Variants in PLA2G4E observed in about 807,000 individuals in gnomAD.
The protein encoded by PLA2G4E is phospholipase A2 group IVE.
A neutral mutation model predicts 109.1 loss-of-function variants in PLA2G4E; 84 were observed. The observed-to-expected ratio is 0.77, with a 90% CI of 0.65 to 0.92. PLA2G4E has a LOEUF of 0.92. Among genes scored for constraint, PLA2G4E ranks in the 40% least tolerant of loss-of-function variants. PLA2G4E has a pLI of 0.00. For synonymous variants in PLA2G4E, 469 were observed against 436.1 expected (o/e 1.08, Z -0.94); for missense variants, 1,057 against 1,076.6 (o/e 0.98, Z 0.25).
intron 6 of PLA2G4E, 104 bp from the exon 7 acceptor site, chr15:42,001,324 G>T (rs1255442806): frequency 1.9e-5 from 21 of 1,089,436 alleles, no homozygotes; most frequent in Non-Finnish European, 2.9e-5. Flanking sequence ...TTCAGCATTG[G>T]TCTGACTGGG....
At chr15:41,995,526 G>T in intron 11 of PLA2G4E, 30 bp from the exon 12 acceptor site, 3 of 1,607,018 alleles carry the variant, frequency 1.9e-6, no homozygotes, top group Non-Finnish European at 2.6e-6. Flanking sequence ...GGCGGTTGGG[G>T]AAGGCTCCAG....
intron 2 of PLA2G4E, 129 bp downstream of exon 2, chr15:42,013,556 A>T: frequency 1.2e-6 from 1 of 822,050 alleles, no homozygotes; most frequent in Non-Finnish European, 2.0e-6. Flanking sequence ...ACATACACGT[A>T]TACACCATGC....
Position 42,004,940 on chromosome 15 carries a change from C to G in PLA2G4E, c.564G>C (p.Glu188Asp), listed in dbSNP as rs748388800. The change falls in exon 5 of 20, where the codon GAG (glutamate) becomes GAC (aspartate). Residue 188 changes from glutamate to aspartate, a missense_variant and splice_region_variant. Coordinates refer to ENST00000399518, the Ensembl canonical transcript of PLA2G4E. The stretch of plus-strand genomic sequence containing the variant: ...CCCCGGGGCCTGGGCCTACTCACCT[C>G]TCCTCCAGCAGGAACTCCACCTCCA... The G allele has an allele frequency of 6.2e-7, 1 of 1,613,332 alleles. No homozygotes were observed. Among genetic ancestry groups the G allele is most frequent in the Non-Finnish European group, 8.5e-7 (1 of 1,179,754 alleles).
chr15:42,005,404 C>T (rs2068465159), intron 4 of PLA2G4E, among the ~76,000 whole-genome samples: 1 of 152,250 alleles, frequency 6.6e-6, no homozygotes, highest in Non-Finnish European at 1.5e-5. Flanking sequence ...CAAGCCAGGG[C>T]CTCACTGGGC....
At chr15:42,030,800 A>G (rs773102892) in intron 1 of PLA2G4E, among the ~76,000 whole-genome samples, 1 of 152,186 alleles carries the variant, frequency 6.6e-6, no homozygotes, top group South Asian at 2.1e-4. Flanking sequence ...GGAATCATGC[A>G]GTGTTTGCTC....
chr15:42,009,289 T>A (rs529940408), intron 2 of PLA2G4E, among the ~76,000 whole-genome samples: 1 of 152,330 alleles, frequency 6.6e-6, no homozygotes, highest in South Asian at 2.1e-4. Flanking sequence ...ATCAGTGTCA[T>A]CCTTGACTCT....
intron 1 of PLA2G4E, among the ~76,000 whole-genome samples, chr15:42,047,487 G>T (rs1185724278): frequency 2.0e-5 from 3 of 152,200 alleles, no homozygotes; most frequent in Non-Finnish European, 1.5e-5. Context: ...CATGAGGGCA[G>T]CAGCCTCATG....
chr15:41,999,790 A>C (rs2068394295), intron 9 of PLA2G4E, 127 bp downstream of exon 9: 2 of 1,189,728 alleles, frequency 1.7e-6, no homozygotes, highest in Non-Finnish European at 2.4e-6. Context: ...AGACTCCTCC[A>C]TCCTGCCTGA....
chr15:41,986,316 G>C (rs1566833898), intron 17 of PLA2G4E, among the ~76,000 whole-genome samples: 1 of 152,200 alleles, frequency 6.6e-6, no homozygotes, highest in African/African-American at 2.4e-5. Context: ...AGGCTTAACA[G>C]GCCAGGCTGA....
intron 1 of PLA2G4E, among the ~76,000 whole-genome samples, chr15:42,014,578 G>T (rs1373656429): frequency 6.6e-6 from 1 of 152,154 alleles, no homozygotes; most frequent in Admixed American, 6.5e-5. Flanking sequence ...CACTGATCAC[G>T]CACGGTGACA....
intron 2 of PLA2G4E, 77 bp from the exon 3 acceptor site, chr15:42,007,942 C>A: frequency 1.4e-6 from 2 of 1,479,610 alleles, no homozygotes; most frequent in Non-Finnish European, 1.8e-6. Context: ...TCAGGCAAGC[C>A]TCTTCCAGAG....
chr15:42,039,449 A>G (rs190839707), intron 1 of PLA2G4E, among the ~76,000 whole-genome samples: 17 of 152,316 alleles, frequency 1.1e-4, no homozygotes, highest in African/African-American at 4.1e-4. Flanking sequence ...TGATACTGGT[A>G]TACTGATTAG....
At chr15:41,992,268 G>A (rs926874710) in intron 13 of PLA2G4E, among the ~76,000 whole-genome samples, 10 of 152,156 alleles carry the variant, frequency 6.6e-5, no homozygotes, top group African/African-American at 1.4e-4. Context: ...AGGCTGGCCC[G>A]TTCTGGGAGA....
intron 1 of PLA2G4E, among the ~76,000 whole-genome samples, chr15:42,047,652 T>C (rs1252485915): frequency 6.6e-6 from 1 of 152,224 alleles, no homozygotes; most frequent in Non-Finnish European, 1.5e-5. Context: ...ATTCCACTGT[T>C]ACCCAGTGTG....
chr15:42,011,178 G>A (rs1226452569), intron 2 of PLA2G4E, among the ~76,000 whole-genome samples: 2 of 152,288 alleles, frequency 1.3e-5, no homozygotes, highest in Non-Finnish European at 2.9e-5. Flanking sequence ...AGAGGGCCAG[G>A]TATCGCCCAA....
At chr15:42,021,382 A>G (rs146981312) in intron 1 of PLA2G4E, among the ~76,000 whole-genome samples, 1 of 152,000 alleles carries the variant, frequency 6.6e-6, no homozygotes, top group Non-Finnish European at 1.5e-5. Context: ...CTATCTCTTC[A>G]GCTTATAGAG....
intron 1 of PLA2G4E, among the ~76,000 whole-genome samples, chr15:42,028,262 T>C (rs1224268559): frequency 2.0e-5 from 3 of 152,226 alleles, no homozygotes; most frequent in Non-Finnish European, 4.4e-5. Context: ...AAGGTCACGA[T>C]GGTAAGTGAC....
rs775456588 is a variant in PLA2G4E at position 41,988,141 on chromosome 15, A to T, written c.1739T>A (p.Ile580Asn). 22 of 1,598,774 alleles carry T rather than the reference A, an allele frequency of 1.4e-5. No homozygotes were observed. Among genetic ancestry groups the T allele is most frequent in the Admixed American group, 3.4e-5 (2 of 58,110 alleles). ...GGCATCCAGCAGGTTCAGGGAGAAG[A>T]TGCTGCTCCACAGGCCTGGGAGCCA... The change falls in exon 16 of 20, where the codon ATC becomes AAC. Residue 580 changes from isoleucine to asparagine, a missense_variant. Physicochemically the swap from Ile to Asn is moderately radical, Grantham distance 149 (BLOSUM62 -3). Coordinates refer to ENST00000399518, the Ensembl canonical transcript of PLA2G4E.
At chr15:42,025,972 T>G (rs757947148) in intron 1 of PLA2G4E, among the ~76,000 whole-genome samples, 5 of 152,198 alleles carry the variant, frequency 3.3e-5, no homozygotes, top group Non-Finnish European at 7.3e-5. Flanking sequence ...TGGAGGAGGA[T>G]CTTCCTAAAC....
Sources: allele counts gnomAD v4.1 joint callset (sites outside exome capture counted in the v4.1 genomes callset), GRCh38; gene constraint gnomAD v4.1.1; transcripts MANE v1.5; gene names NCBI Gene and HGNC (gene_info 2026-07-23, HGNC 2026-07-21).